PLIN3: variants seen among roughly 807,000 people sequenced by gnomAD.
The protein encoded by PLIN3 is perilipin-3.
Under a neutral mutation model 35.9 loss-of-function variants are expected in PLIN3, and 30 were observed. The ratio of observed to expected loss-of-function variants is 0.84; its 90% CI spans 0.62 to 1.13. The LOEUF is 1.13. Ranked by LOEUF, PLIN3 falls within the 50% of genes most tolerant of loss-of-function variation. PLIN3 has a pLI of 0.00. For synonymous variants in PLIN3, 261 were observed against 262.5 expected (o/e 0.99, Z 0.06); for missense variants, 603 against 596.9 (o/e 1.01, Z -0.11).
At chr19:4,842,493 G>A (rs527313425) in intron 7 of PLIN3, among the ~76,000 whole-genome samples, 6 of 151,326 alleles carry the variant, frequency 4.0e-5, no homozygotes, top group East Asian at 1.9e-4. Flanking sequence ...TCAGCTACTC[G>A]GGAGGCTGAG....
intron 2 of PLIN3, among the ~76,000 whole-genome samples, chr19:4,860,274 T>C (rs1459026189): frequency 2.6e-5 from 4 of 152,100 alleles, no homozygotes; most frequent in African/African-American, 9.7e-5. Context: ...TGATGCGATC[T>C]CAGCTCACTG....
chr19:4,847,679 C>T lies in PLIN3; in HGVS notation c.834+12G>A, dbSNP rs745586996. On this transcript the variant is annotated intron_variant, in intron 6 of 7. Coordinates refer to ENST00000221957, the MANE Select transcript of PLIN3 (RefSeq NM_005817.5). ...GCTGCTGGCTCAGGGCCCCGACCCC[C>T]TGGAACCTCACCAGGCTTAGGACCT... 2.5e-6 allele frequency: 4 copies of T among 1,584,652 alleles called. No individual in the cohort carries two copies. Among genetic ancestry groups the T allele is most frequent in the African/African-American group, 1.3e-5 (1 of 74,138 alleles).
rs367963807 is a variant in PLIN3 at position 4,839,495 on chromosome 19, G to A, written c.1002C>T (p.Ala334=). ...SRALTMFRDI[A]QQLQATCTSL... is the part of the protein sequence containing the mutation. ...AGGTACAGGTGGCCTGCAGTTGCTG[G>A]GCAATGTCCCGGAACATGGTGAGCG... Residue 334 remains alanine, a synonymous_variant, in exon 8 of 8, where the codon GCC becomes GCT. Transcript: ENST00000221957. 1 of 1,546,796 alleles carries A rather than the reference G, an allele frequency of 6.5e-7. No homozygotes were observed. Among genetic ancestry groups the A allele is most frequent in the Non-Finnish European group, 8.8e-7 (1 of 1,141,504 alleles).
Position 4,859,879 on chromosome 19 carries a change from G to GT in PLIN3, c.211dup (p.Thr71AsnfsTer58), listed in dbSNP as rs1568380322. The GT allele has an allele frequency of 2.5e-6, 4 of 1,613,634 alleles. No homozygotes were observed. The highest frequency in any genetic ancestry group is 3.4e-6 in the Non-Finnish European group (4 of 1,180,024). ...CTGAGCCCCGCTGACAGCAGCCGCC[G>GT]TGAGGGTCCTCACTCCCTTCTCTGC... On this transcript the variant is annotated frameshift_variant, in exon 3 of 8. Coordinates refer to ENST00000221957, the MANE Select transcript of PLIN3 (RefSeq NM_005817.5). LOFTEE classifies it high-confidence loss of function.
chr19:4,859,339 T>C (rs1291700399), intron 4 of PLIN3, among the ~76,000 whole-genome samples: 1 of 152,070 alleles, frequency 6.6e-6, no homozygotes, highest in Non-Finnish European at 1.5e-5. Context: ...CCGGCCAACA[T>C]GGTGAAACCC....
intron 6 of PLIN3, 46 bp from the exon 7 acceptor site, chr19:4,844,839 G>A: frequency 6.5e-7 from 1 of 1,533,470 alleles, no homozygotes; most frequent in South Asian, 1.2e-5. Flanking sequence ...TCCCCTGGGA[G>A]AGACGGGATT....
Position 4,839,046 on chromosome 19 carries a change from T to G in PLIN3, c.*146A>C. On this transcript the variant is annotated 3_prime_UTR_variant, in exon 8 of 8. Coordinates refer to ENST00000221957, the MANE Select transcript of PLIN3 (RefSeq NM_005817.5). Reference sequence around the variant, plus strand: ...GATGGGTCAACTGGGTGATGCCCGTTTTGAGAGCCTTAGCTTCCCAAGTGG... The same window carrying G: ...GATGGGTCAACTGGGTGATGCCCGTGTTGAGAGCCTTAGCTTCCCAAGTGG... 1.6e-6 allele frequency: 1 copy of G among 619,488 alleles called. No homozygotes were observed. 38.4% of individuals were successfully genotyped at this position (619,488 alleles called of 1,614,324 possible). A position where few individuals can be genotyped will look rare whatever the true frequency, so the allele number is the denominator to read the frequency against.
intron 1 of PLIN3, among the ~76,000 whole-genome samples, chr19:4,863,029 C>T (rs1054205144): frequency 5.9e-5 from 9 of 151,586 alleles, no homozygotes; most frequent in African/African-American, 1.9e-4. Flanking sequence ...TGATGGTGGG[C>T]GCCTGTAATC....
intron 4 of PLIN3, among the ~76,000 whole-genome samples, chr19:4,854,205 T>C (rs1411466977): frequency 6.6e-6 from 1 of 152,082 alleles, no homozygotes; most frequent in Non-Finnish European, 1.5e-5. Context: ...AGTGCTGGGA[T>C]GACCGACATG....
chr19:4,844,153 G>C (rs2030003486), intron 7 of PLIN3, among the ~76,000 whole-genome samples: 2 of 152,078 alleles, frequency 1.3e-5, no homozygotes, highest in South Asian at 4.2e-4. Context: ...GAGGGGGCCG[G>C]AGAATACTAG....
At position 4,844,757 on chromosome 19, in the gene PLIN3, C is replaced by G; in HGVS notation, c.871G>C (p.Val291Leu). 6 of 1,602,958 alleles carry G rather than the reference C, an allele frequency of 3.7e-6. No homozygotes were observed. The highest frequency in any genetic ancestry group is 5.1e-6 in the Non-Finnish European group (6 of 1,175,104). ...TVKQGVDQKLVEGQEKLHQMW... is the reference protein window; with the variant it reads ...TVKQGVDQKLLEGQEKLHQMW... ...TGGTGCAGCTTCTCCTGGCCTTCCA[C>G]CAGCTTCTGATCAACGCCTTGCTTG... Residue 291 changes from valine to leucine, a missense_variant, in exon 7 of 8, where the codon GTG becomes CTG. Coordinates refer to ENST00000221957, the MANE Select transcript of PLIN3 (RefSeq NM_005817.5).
chr19:4,843,092 C>T (rs917298580), intron 7 of PLIN3, among the ~76,000 whole-genome samples: 3 of 151,960 alleles, frequency 2.0e-5, no homozygotes, highest in African/African-American at 7.3e-5. Flanking sequence ...CGTGGTGACG[C>T]ATGCCTGTAA....
rs146218146 is a variant in PLIN3 at position 4,863,820 on chromosome 19, T to G, written c.-17-2409A>C. 9.8e-3 allele frequency among the ~76,000 whole-genome samples: 1,328 copies of G among 136,144 alleles called. 7 individuals are homozygous for G. Among genetic ancestry groups the G allele is most frequent in the African/African-American group, 0.018 (673 of 38,188 alleles). 89.3% of individuals were successfully genotyped at this position (136,144 alleles called of 152,430 possible). A position where few individuals can be genotyped will look rare whatever the true frequency, so the allele number is the denominator to read the frequency against. On this transcript the variant is annotated intron_variant, in intron 1 of 7. Transcript: ENST00000221957. The stretch of plus-strand genomic sequence containing the variant: ...TCCAGCCTGGGTGACAGAGCGAGAC[T>G]CCATCTCAAAAAAAAAAAAAAGAAA...
chr19:4,843,338 C>T (rs1189299301), intron 7 of PLIN3, among the ~76,000 whole-genome samples: 1 of 151,860 alleles, frequency 6.6e-6, no homozygotes, highest in East Asian at 1.9e-4. Context: ...AATCGCGTCT[C>T]TACTAAAAAT....
At chr19:4,866,174 C>T (rs771718110) in intron 1 of PLIN3, among the ~76,000 whole-genome samples, 11 of 151,962 alleles carry the variant, frequency 7.2e-5, no homozygotes, top group African/African-American at 1.9e-4. Context: ...CCCGCCACCA[C>T]GTCCGGCTAA....
intron 1 of PLIN3, 72 bp from the exon 2 acceptor site, chr19:4,861,483 G>T: frequency 9.5e-7 from 1 of 1,053,710 alleles, no homozygotes; most frequent in Non-Finnish European, 1.5e-6. Context: ...GGCCCACGCT[G>T]CAGCTGGAAG....
At chr19:4,848,109 G>A (rs2030169237) in intron 5 of PLIN3, among the ~76,000 whole-genome samples, 2 of 151,974 alleles carry the variant, frequency 1.3e-5, no homozygotes, top group African/African-American at 4.8e-5. Context: ...TCAGCCTCCC[G>A]AGTAACTGAG....
chr19:4,839,036 T>G lies in PLIN3; in HGVS notation c.*156A>C, dbSNP rs1045923072. On this transcript the variant is annotated 3_prime_UTR_variant, in exon 8 of 8. Transcript: ENST00000221957. The stretch of plus-strand genomic sequence containing the variant: ...GAGGCTGAGAGATGGGTCAACTGGG[T>G]GATGCCCGTTTTGAGAGCCTTAGCT... 1.8e-6 allele frequency: 1 copy of G among 565,968 alleles called. No homozygotes were observed. The highest frequency in any genetic ancestry group is 3.1e-6 in the Non-Finnish European group (1 of 325,386). 35.1% of individuals were successfully genotyped at this position (565,968 alleles called of 1,614,324 possible).
chr19:4,844,653 TC>T lies in PLIN3; in HGVS notation c.960+14del, dbSNP rs36066928. The T allele has an allele frequency of 0.81, 1,293,196 of 1,601,154 alleles. 526,292 individuals are homozygous for T. The highest frequency in any genetic ancestry group is 0.86 in the South Asian group (77,178 of 89,262). The stretch of plus-strand genomic sequence containing the variant: ...CCAAGTACCCTAGGCCACCCCCCAG[TC>T]CCCTCATGGGTACCTCTGGCTTGGG... On this transcript the variant is annotated intron_variant, in intron 7 of 7. Coordinates refer to ENST00000221957, the MANE Select transcript of PLIN3 (RefSeq NM_005817.5).
Sources: allele counts gnomAD v4.1 joint callset (sites outside exome capture counted in the v4.1 genomes callset), GRCh38; gene constraint gnomAD v4.1.1; transcripts MANE v1.5; gene names NCBI Gene and HGNC (gene_info 2026-07-23, HGNC 2026-07-21).